PLCB4: variants seen among roughly 807,000 people sequenced by gnomAD.
The protein encoded by PLCB4 is 1-phosphatidylinositol 4,5-bisphosphate phosphodiesterase beta-4.
Under a neutral mutation model 178.8 loss-of-function variants are expected in PLCB4, and 77 were observed. The observed-to-expected ratio is 0.43, with a 90% confidence interval of 0.36 to 0.52. The LOEUF (loss-of-function observed/expected upper bound fraction) is 0.52. Ranked by LOEUF, PLCB4 falls within the 20% of genes least tolerant of loss-of-function variation. The probability of loss-of-function intolerance (pLI) is 0.00; values close to 1 mark genes in which losing one functional copy is unlikely to be tolerated. For missense variants in PLCB4, 1,024 were observed against 1,453.4 expected, an observed-to-expected ratio of 0.70 and a Z score of 4.80; for synonymous variants, 496 against 490.8, an observed-to-expected ratio of 1.01 and a Z score of -0.14.
intron 3 of PLCB4, among the ~76,000 whole-genome samples, chr20:9,269,156 A>C (rs2094378665): frequency 6.6e-6 from 1 of 152,238 alleles, no homozygotes; most frequent in Non-Finnish European, 1.5e-5. Context: ...TTTAGGCTTA[A>C]CTAATCTGAT....
At chr20:9,177,375 T>G (rs548784663) in intron 2 of PLCB4, among the ~76,000 whole-genome samples, 1 of 152,316 alleles carries the variant, frequency 6.6e-6, no homozygotes, top group African/African-American at 2.4e-5. Context: ...CTAATTAAAC[T>G]ACTGCTGTTA....
intron 3 of PLCB4, among the ~76,000 whole-genome samples, chr20:9,220,125 A>C (rs983674941): frequency 1.3e-5 from 2 of 152,196 alleles, no homozygotes; most frequent in African/African-American, 4.8e-5. Flanking sequence ...CCCTTGCATT[A>C]AGTGACCTTT....
intron 2 of PLCB4, among the ~76,000 whole-genome samples, chr20:9,159,432 T>G (rs1401918379): frequency 6.6e-6 from 1 of 152,190 alleles, no homozygotes; most frequent in African/African-American, 2.4e-5. Flanking sequence ...AAAAGGTGTC[T>G]TTTCATCTTT....
At chr20:9,107,490 A>G (rs2091409617) in intron 2 of PLCB4, among the ~76,000 whole-genome samples, 1 of 152,080 alleles carries the variant, frequency 6.6e-6, no homozygotes, top group African/African-American at 2.4e-5. Context: ...GTTGCTAAGG[A>G]AGGATTACAT....
intron 3 of PLCB4, among the ~76,000 whole-genome samples, chr20:9,263,580 A>G (rs943515155): frequency 6.6e-6 from 1 of 152,170 alleles, no homozygotes; most frequent in Admixed American, 6.6e-5. Context: ...TGCTAATTAG[A>G]TGGAGGAGAG....
At chr20:9,130,082 T>G (rs182311506) in intron 2 of PLCB4, among the ~76,000 whole-genome samples, 116 of 152,244 alleles carry the variant, frequency 7.6e-4, no homozygotes, top group African/African-American at 2.5e-3. Context: ...TGAAGTTTCT[T>G]GTACTAGAGC....
chr20:9,435,560 A>G lies in PLCB4; in HGVS notation c.2525A>G (p.Asp842Gly). Reference protein sequence around the residue: ...LKTYVPDGFGDIVDALSDPKK... With the variant: ...LKTYVPDGFGGIVDALSDPKK... Reference sequence around the variant, plus strand: ...CTCATTGGGTTTTTTTTTCCCCTAGATATCGTGGATGCTTTATCAGATCCA... The same window carrying G: ...CTCATTGGGTTTTTTTTTCCCCTAGGTATCGTGGATGCTTTATCAGATCCA... Residue 842 changes from aspartate (D) to glycine (G), a missense_variant and splice_region_variant, in exon 29 of 40, where the codon GAT (aspartate) becomes GGT (glycine). Coordinates refer to ENST00000378473, the MANE Select transcript of PLCB4 (RefSeq NM_001377142.1). 6.3e-7 allele frequency: 1 copy of G among 1,577,552 alleles called. No individual in the cohort carries two copies. The highest frequency in any genetic ancestry group is 8.7e-7 in the Non-Finnish European group (1 of 1,148,818).
intron 2 of PLCB4, among the ~76,000 whole-genome samples, chr20:9,169,679 G>A (rs2093032329): frequency 6.6e-6 from 1 of 152,034 alleles, no homozygotes; most frequent in Admixed American, 6.6e-5. Flanking sequence ...GGAAGGAAGT[G>A]GGCAGTGGGG....
chr20:9,356,399 G>C (rs73246637), intron 7 of PLCB4, among the ~76,000 whole-genome samples: 9,324 of 152,168 alleles, frequency 0.061, 920 homozygotes, highest in African/African-American at 0.21. Context: ...AGAATCTGAG[G>C]CACTGGCTAT....
intron 5 of PLCB4, 130 bp downstream of exon 5, chr20:9,337,336 C>T (rs2032600692): frequency 3.0e-6 from 2 of 669,100 alleles, no homozygotes; most frequent in Non-Finnish European, 5.5e-6. Flanking sequence ...TAAAAATGTG[C>T]CTACATGTGC....
At chr20:9,367,396 A>G (rs73246655) in intron 9 of PLCB4, among the ~76,000 whole-genome samples, 1 of 152,140 alleles carries the variant, frequency 6.6e-6, no homozygotes, top group African/African-American at 2.4e-5. Context: ...GTCAACTTTT[A>G]GTCTGCTTTA....
chr20:9,471,804 T>C (rs548014326), intron 36 of PLCB4, among the ~76,000 whole-genome samples: 1 of 149,636 alleles, frequency 6.7e-6, no homozygotes, highest in Non-Finnish European at 1.5e-5. Context: ...GGAAATGCAG[T>C]TGGGGACAAC....
At chr20:9,398,924 C>G (rs1179609645) in intron 19 of PLCB4, among the ~76,000 whole-genome samples, 1 of 152,172 alleles carries the variant, frequency 6.6e-6, no homozygotes, top group Non-Finnish European at 1.5e-5. Flanking sequence ...TGATTCAAGT[C>G]AAGACTTTTG....
intron 3 of PLCB4, among the ~76,000 whole-genome samples, chr20:9,238,724 A>G (rs536845735): frequency 5.8e-4 from 89 of 152,228 alleles, no homozygotes; most frequent in Non-Finnish European, 1.1e-3. Context: ...CAATTAGGTT[A>G]TATTTGAGAA....
intron 3 of PLCB4, among the ~76,000 whole-genome samples, chr20:9,305,957 AT>A (rs1483976812): frequency 1.3e-5 from 2 of 152,136 alleles, no homozygotes; most frequent in Admixed American, 6.5e-5. Context: ...CATGAGGTAT[AT>A]TTGGGGGTGT....
chr20:9,331,435 C>T (rs2031631017), intron 4 of PLCB4, among the ~76,000 whole-genome samples: 1 of 152,104 alleles, frequency 6.6e-6, no homozygotes, highest in South Asian at 2.1e-4. Context: ...TTGCAGTTAA[C>T]TTAGGAAGTG....
chr20:9,270,112 A>G (rs1329985770), intron 3 of PLCB4, among the ~76,000 whole-genome samples: 3 of 152,116 alleles, frequency 2.0e-5, no homozygotes, highest in African/African-American at 7.2e-5. Flanking sequence ...TGTATTCAAG[A>G]GAAACTACCT....
At chr20:9,069,411 G>T (rs73895474) in intron 1 of PLCB4, among the ~76,000 whole-genome samples, 3,517 of 152,278 alleles carry the variant, frequency 0.023, 126 homozygotes, top group African/African-American at 0.08. Context: ...TTCCCCTGCA[G>T]TCATCGCCTG....
chr20:9,379,414 A>G (rs904833895), intron 12 of PLCB4, among the ~76,000 whole-genome samples: 5 of 152,184 alleles, frequency 3.3e-5, no homozygotes, highest in African/African-American at 9.6e-5. Context: ...TGCCCAGAGA[A>G]TTCTATATTG....
Sources: allele counts gnomAD v4.1 joint callset (sites outside exome capture counted in the v4.1 genomes callset), GRCh38; gene constraint gnomAD v4.1.1; transcripts MANE v1.5; gene names NCBI Gene and HGNC (gene_info 2026-07-23, HGNC 2026-07-21).